SLC35F2: variants seen among roughly 807,000 people sequenced by gnomAD.
The protein encoded by SLC35F2 is solute carrier family 35 member F2.
In SLC35F2, 25 loss-of-function variants were observed where a neutral mutation model predicts 38.1. The observed-to-expected ratio is 0.66, with a 90% CI of 0.48 to 0.92. SLC35F2 has a LOEUF of 0.92. Among genes scored for constraint, SLC35F2 ranks in the 40% least tolerant of loss-of-function variants. SLC35F2 has a pLI of 0.00. For synonymous variants in SLC35F2, 173 were observed against 181.7 expected, an observed-to-expected ratio of 0.95 and a Z score of 0.38; for missense variants, 409 against 452.9, an observed-to-expected ratio of 0.90 and a Z score of 0.88.
intron 1 of SLC35F2, among the ~76,000 whole-genome samples, chr11:107,837,653 C>T (rs1247546357): frequency 6.6e-6 from 1 of 152,030 alleles, no homozygotes; most frequent in African/African-American, 2.4e-5. Context: ...GGGATGGCAC[C>T]ACTGCACTCC....
At chr11:107,850,048 G>C (rs1328390000) in intron 1 of SLC35F2, among the ~76,000 whole-genome samples, 1 of 152,174 alleles carries the variant, frequency 6.6e-6, no homozygotes, top group Non-Finnish European at 1.5e-5. Context: ...AACCTAGAGA[G>C]ACTGCCTCCT....
chr11:107,839,463 A>C (rs1459592801), intron 1 of SLC35F2, among the ~76,000 whole-genome samples: 3 of 152,214 alleles, frequency 2.0e-5, no homozygotes, highest in Admixed American at 1.3e-4. Flanking sequence ...ACCGTTTCAA[A>C]AAAAGAAAAA....
chr11:107,843,517 T>G (rs1860044672), intron 1 of SLC35F2, among the ~76,000 whole-genome samples: 1 of 148,932 alleles, frequency 6.7e-6, no homozygotes, highest in South Asian at 2.1e-4. Flanking sequence ...ACCATTGCAC[T>G]CCAGCCTGGG....
At chr11:107,828,962 G>T (rs1257906403) in intron 1 of SLC35F2, among the ~76,000 whole-genome samples, 4 of 150,314 alleles carry the variant, frequency 2.7e-5, no homozygotes, top group Non-Finnish European at 5.9e-5. Context: ...CAAAAAATTA[G>T]CCAGGAGTGG....
intron 1 of SLC35F2, among the ~76,000 whole-genome samples, chr11:107,839,361 T>C (rs1859982035): frequency 6.6e-6 from 1 of 152,036 alleles, no homozygotes; most frequent in African/African-American, 2.4e-5. Context: ...CTCAAGAGGC[T>C]GAGGTGGGAG....
chr11:107,842,284 A>AAAAAAAAAAAAAAAC (rs1860025029), intron 1 of SLC35F2, among the ~76,000 whole-genome samples: 1 of 148,702 alleles, frequency 6.7e-6, no homozygotes, highest in African/African-American at 2.5e-5. Flanking sequence ...AAAAAAAAAA[A>AAAAAAAAAAAAAAAC]ATTAAAGCTT....
intron 1 of SLC35F2, among the ~76,000 whole-genome samples, chr11:107,843,863 AAAAAAATATATAT>A (rs1450362998): frequency 5.0e-4 from 17 of 33,756 alleles, no homozygotes; most frequent in African/African-American, 8.5e-4. Context: ...AAAAAAAAAA[AAAAAAATATATAT>A]ATATATATAT....
chr11:107,832,968 G>A (rs1481721841), intron 1 of SLC35F2, among the ~76,000 whole-genome samples: 1 of 152,124 alleles, frequency 6.6e-6, no homozygotes, highest in Non-Finnish European at 1.5e-5. Context: ...AACCTCTTCT[G>A]GTCTGTGATC....
At chr11:107,856,105 C>CAAAAAA (rs1229189240) in intron 1 of SLC35F2, among the ~76,000 whole-genome samples, 4 of 95,604 alleles carry the variant, frequency 4.2e-5, no homozygotes, top group Non-Finnish European at 6.5e-5. Context: ...AACTCTGTCT[C>CAAAAAA]AAAAAAAAAA....
chr11:107,813,456 C>T (rs146545946), intron 2 of SLC35F2, among the ~76,000 whole-genome samples: 1 of 152,202 alleles, frequency 6.6e-6, no homozygotes, highest in East Asian at 1.9e-4. Flanking sequence ...AAGAGCGAAA[C>T]TCCGTCTCAG....
At chr11:107,799,899 T>TGTTTG (rs1241204823) in intron 7 of SLC35F2, among the ~76,000 whole-genome samples, 1 of 150,126 alleles carries the variant, frequency 6.7e-6, no homozygotes, top group African/African-American at 2.5e-5. Context: ...TTTTGTTTTT[T>TGTTTG]TTTTTTTGAG....
intron 1 of SLC35F2, among the ~76,000 whole-genome samples, chr11:107,828,782 T>A (rs1859792310): frequency 6.6e-6 from 1 of 152,124 alleles, no homozygotes; most frequent in South Asian, 2.1e-4. Flanking sequence ...TGCTATGATT[T>A]GAATATCTGC....
At chr11:107,850,017 C>A (rs1046073920) in intron 1 of SLC35F2, among the ~76,000 whole-genome samples, 6 of 152,206 alleles carry the variant, frequency 3.9e-5, no homozygotes, top group Non-Finnish European at 8.8e-5. Flanking sequence ...CCTCTCCAAG[C>A]TCCTTGGGCT....
At chr11:107,795,510 C>T (rs942184229) in intron 7 of SLC35F2, among the ~76,000 whole-genome samples, 1 of 152,146 alleles carries the variant, frequency 6.6e-6, no homozygotes, top group Non-Finnish European at 1.5e-5. Context: ...GCAAAGAAGA[C>T]AATCAACAGA....
chr11:107,837,993 A>G (rs1859957615), intron 1 of SLC35F2, among the ~76,000 whole-genome samples: 1 of 149,420 alleles, frequency 6.7e-6, no homozygotes, highest in African/African-American at 2.5e-5. Flanking sequence ...TATTGAGTGT[A>G]TACTATATAC....
chr11:107,800,464 G>T (rs17174388), intron 7 of SLC35F2, among the ~76,000 whole-genome samples: 22,850 of 152,104 alleles, frequency 0.15, 2,773 homozygotes, highest in East Asian at 0.42. Context: ...GACGAAGAAA[G>T]ATAGTTAATA....
At chr11:107,806,670 AAAC>A (rs757616270) in intron 4 of SLC35F2, 44 bp downstream of exon 4, 24 of 1,529,746 alleles carry the variant, frequency 1.6e-5, no homozygotes, top group East Asian at 2.3e-5. Flanking sequence ...GTGAAAACAT[AAAC>A]AAATTTGCTG....
In SLC35F2 at chr11:107,853,444, C is replaced by T. The variant is rs530111331; in HGVS notation, c.110+5214G>A. Among the ~76,000 whole-genome samples the T allele has an allele frequency of 2.0e-4, 31 of 152,204 alleles. No homozygotes were observed. In the South Asian group the frequency reaches 4.4e-3, roughly 21 times the overall value. On this transcript the variant is annotated intron_variant, in intron 1 of 7. Transcript: ENST00000525815. ...GAATGAAAGAATCAATGAGGCCGGG[C>T]GCGGTGGCTCACGCCTGTAATCCCA...
chr11:107,856,531 C>A (rs1860283966), intron 1 of SLC35F2, among the ~76,000 whole-genome samples: 1 of 152,190 alleles, frequency 6.6e-6, no homozygotes, highest in South Asian at 2.1e-4. Flanking sequence ...CCCATCTCTA[C>A]TAAAAGCATG....
Sources: gnomAD v4.1 joint callset for allele counts (sites outside exome capture counted in the v4.1 genomes callset) on GRCh38, gnomAD v4.1.1 for gene constraint, MANE v1.5 for transcripts, NCBI Gene and HGNC (gene_info 2026-07-23, HGNC 2026-07-21) for gene names.